KAT2B: variants seen among roughly 807,000 people sequenced by gnomAD.
KAT2B encodes the protein histone acetyltransferase KAT2B.
A neutral mutation model predicts 105.9 loss-of-function variants in KAT2B; 36 were observed. That is an observed-to-expected ratio of 0.34 (90% confidence interval 0.26 to 0.45). KAT2B has a LOEUF of 0.45. KAT2B is among the 20% of genes least tolerant of loss of function. KAT2B has a pLI of 1.00. For synonymous variants in KAT2B, 397 were observed against 377.9 expected, an observed-to-expected ratio of 1.05 and a Z score of -0.59; for missense variants, 820 against 1,021.6, an observed-to-expected ratio of 0.80 and a Z score of 2.69.
intron 1 of KAT2B, among the ~76,000 whole-genome samples, chr3:20,053,546 CAAAACAAA>C (rs1697952228): frequency 6.6e-6 from 1 of 151,640 alleles, no homozygotes; most frequent in South Asian, 2.1e-4. Flanking sequence ...AAAAACAAGA[CAAAACAAA>C]AAAACTCAGG....
chr3:20,113,258 A>G (rs1301283823), intron 6 of KAT2B, among the ~76,000 whole-genome samples: 2 of 152,210 alleles, frequency 1.3e-5, no homozygotes, highest in Non-Finnish European at 2.9e-5. Context: ...TTACTTATGT[A>G]TCTATTACAT....
chr3:20,151,345 AT>A (rs1699866480), intron 17 of KAT2B, among the ~76,000 whole-genome samples: 1 of 152,136 alleles, frequency 6.6e-6, no homozygotes, highest in Non-Finnish European at 1.5e-5. Flanking sequence ...TACTTACCTT[AT>A]TAAATGATGA....
chr3:20,067,666 TA>T (rs1446820786), intron 1 of KAT2B, among the ~76,000 whole-genome samples: 2 of 152,202 alleles, frequency 1.3e-5, no homozygotes, highest in South Asian at 4.1e-4. Context: ...TTTCTTTATT[TA>T]TTTTTTTATA....
intron 1 of KAT2B, among the ~76,000 whole-genome samples, chr3:20,042,085 G>C (rs571841332): frequency 6.6e-6 from 1 of 152,258 alleles, no homozygotes; most frequent in South Asian, 2.1e-4. Context: ...GGAATCTCCT[G>C]GGGAAGCTGG....
intron 6 of KAT2B, 87 bp from the exon 7 acceptor site, chr3:20,114,795 A>G: frequency 1.4e-6 from 1 of 707,196 alleles, no homozygotes; most frequent in Non-Finnish European, 2.5e-6. Context: ...TGAGACGCTG[A>G]TGTTAAGGTG....
rs28704852 is a variant in KAT2B at position 20,149,564 on chromosome 3, G to A, written c.2305+1077G>A. ...TGTGAAAAGGAAGAGTGAAAGGGAC[G>A]CATTAGCTCCTTGAAAACTGAGTTA... On this transcript the variant is annotated intron_variant, in intron 17 of 17. Coordinates refer to ENST00000263754, the MANE Select transcript of KAT2B (RefSeq NM_003884.5). Among the ~76,000 whole-genome samples, 57 of 144,538 alleles carry A rather than the reference G, an allele frequency of 3.9e-4. 1 individual carries two copies. In the East Asian group the frequency reaches 0.011, roughly 27 times the overall value. The allele number at this position is 144,538 out of a possible 152,430, so 94.8% of individuals were successfully genotyped here.
chr3:20,101,566 T>A (rs1575134154), intron 5 of KAT2B, 98 bp downstream of exon 5: 2 of 863,592 alleles, frequency 2.3e-6, no homozygotes, highest in East Asian at 4.9e-5. Context: ...CTAGTTATCA[T>A]TATGACTCCA....
At chr3:20,061,399 G>C (rs1409761465) in intron 1 of KAT2B, among the ~76,000 whole-genome samples, 1 of 151,992 alleles carries the variant, frequency 6.6e-6, no homozygotes, top group African/African-American at 2.4e-5. Context: ...GGGTTGCTTG[G>C]ACCTTCTTGC....
chr3:20,045,189 A>AT lies in KAT2B; in HGVS notation c.303+4417dup, dbSNP rs1389009306. Among the ~76,000 whole-genome samples, 13 of 150,724 alleles carry AT rather than the reference A, an allele frequency of 8.6e-5. No homozygotes were observed. In the East Asian group the frequency reaches 1.8e-3, roughly 20 times the overall value. On this transcript the variant is annotated intron_variant, in intron 1 of 17. Transcript: ENST00000263754. ...ACCACCATACTTGGCTAATTTTTGTATTTTTTTTGGTAGAGATGGGGTTTC... is the reference window on the plus strand; with the variant it reads ...ACCACCATACTTGGCTAATTTTTGTATTTTTTTTTGGTAGAGATGGGGTTTC...
chr3:20,087,352 TA>T (rs1289618274), intron 2 of KAT2B, among the ~76,000 whole-genome samples: 1 of 151,924 alleles, frequency 6.6e-6, no homozygotes, highest in African/African-American at 2.4e-5. Context: ...AATGAGAAAA[TA>T]ATTTATTTTT....
At chr3:20,051,240 A>AG (rs1478166396) in intron 1 of KAT2B, among the ~76,000 whole-genome samples, 2 of 149,776 alleles carry the variant, frequency 1.3e-5, no homozygotes, top group African/African-American at 2.4e-5. Flanking sequence ...CAAATCAAGG[A>AG]GGGGTACTTG....
intron 2 of KAT2B, among the ~76,000 whole-genome samples, chr3:20,091,949 C>T (rs1698726235): frequency 6.6e-6 from 1 of 152,142 alleles, no homozygotes; most frequent in Non-Finnish European, 1.5e-5. Flanking sequence ...GGTATGATTT[C>T]AGTCTTTTAA....
At chr3:20,062,709 G>T (rs1317851278) in intron 1 of KAT2B, among the ~76,000 whole-genome samples, 1 of 151,732 alleles carries the variant, frequency 6.6e-6, no homozygotes, top group Non-Finnish European at 1.5e-5. Flanking sequence ...TGATCCACCT[G>T]CCTCAGCCTC....
chr3:20,067,677 A>AT (rs1414231130), intron 1 of KAT2B, among the ~76,000 whole-genome samples: 4 of 151,926 alleles, frequency 2.6e-5, no homozygotes, highest in Non-Finnish European at 4.4e-5. Context: ...ATTTTTTTAT[A>AT]TTTTTTTAAA....
chr3:20,066,314 T>C (rs1698222124), intron 1 of KAT2B, among the ~76,000 whole-genome samples: 1 of 152,174 alleles, frequency 6.6e-6, no homozygotes, highest in African/African-American at 2.4e-5. Context: ...TAGGATAATT[T>C]CATCTGCATG....
intron 8 of KAT2B, among the ~76,000 whole-genome samples, chr3:20,121,987 A>G (rs1699318806): frequency 6.6e-6 from 1 of 152,132 alleles, no homozygotes; most frequent in Non-Finnish European, 1.5e-5. Flanking sequence ...CCCAAAGCCT[A>G]ATGCAAACTG....
chr3:20,147,870 G>A, intron 14 of KAT2B, 93 bp from the exon 15 acceptor site: 1 of 1,154,542 alleles, frequency 8.7e-7, no homozygotes, highest in Non-Finnish European at 1.3e-6. Context: ...TTATTGTCAT[G>A]CCTATAATTT....
In KAT2B at chr3:20,111,615, G is replaced by A; in HGVS notation, c.871G>A (p.Val291Met). The A allele has an allele frequency of 6.2e-7, 1 of 1,611,538 alleles. No individual in the cohort carries two copies. The highest frequency in any genetic ancestry group is 1.1e-5 in the South Asian group (1 of 90,610). Residue 291 changes from valine to methionine, a missense_variant, in exon 6 of 18, where the codon GTG (valine) becomes ATG (methionine). Transcript: ENST00000263754. ...TCACAGGTGGCTGTGTTACTGCAACGTGCCACAGTTCTGCGACAGTCTACC... is the reference window on the plus strand; with the variant it reads ...TCACAGGTGGCTGTGTTACTGCAACATGCCACAGTTCTGCGACAGTCTACC... ...NYTRWLCYCN[V>M]PQFCDSLPRY...
At chr3:20,086,798 T>C (rs1698624742) in intron 2 of KAT2B, among the ~76,000 whole-genome samples, 1 of 71,718 alleles carries the variant, frequency 1.4e-5, no homozygotes, top group African/African-American at 9.5e-5. Context: ...AAATAGATTT[T>C]TTTTTTTTTT....
Sources: allele counts gnomAD v4.1 joint callset (sites outside exome capture counted in the v4.1 genomes callset), GRCh38; gene constraint gnomAD v4.1.1; transcripts MANE v1.5; gene names NCBI Gene and HGNC (gene_info 2026-07-23, HGNC 2026-07-21).